CPNE4: variants seen among roughly 807,000 people sequenced by gnomAD.
CPNE4 encodes copine 4, also known as copine-4.
In CPNE4, 25 loss-of-function variants were observed where a neutral mutation model predicts 67.9. That is an observed-to-expected ratio of 0.37 (90% CI 0.27 to 0.51). The LOEUF is 0.51. CPNE4 is among the 20% of genes least tolerant of loss of function. The pLI, the probability that CPNE4 is intolerant of heterozygous loss-of-function variation, is 0.93. For synonymous variants in CPNE4, 242 were observed against 244.9 expected, an observed-to-expected ratio of 0.99 and a Z score of 0.11; for missense variants, 464 against 690.8, an observed-to-expected ratio of 0.67 and a Z score of 3.68.
chr3:131,598,182 A>C (rs918024494), intron 7 of CPNE4, among the ~76,000 whole-genome samples: 2 of 152,182 alleles, frequency 1.3e-5, no homozygotes, highest in African/African-American at 2.4e-5. Flanking sequence ...CCTGAGTTCT[A>C]TTTCAAGCTC....
upstream of CPNE4, among the ~76,000 whole-genome samples, chr3:132,035,734 GC>G (rs1259372062): frequency 5.9e-5 from 9 of 152,126 alleles, no homozygotes; most frequent in African/African-American, 2.2e-4. Context: ...GATTATGTCT[GC>G]TACCATAGAC....
At chr3:131,788,679 T>C (rs2083629311) in intron 2 of CPNE4, among the ~76,000 whole-genome samples, 2 of 152,044 alleles carry the variant, frequency 1.3e-5, no homozygotes, top group Admixed American at 1.3e-4. Context: ...GTGATAAATA[T>C]CCAATAATAA....
At chr3:131,678,387 A>T (rs867136629) in intron 6 of CPNE4, among the ~76,000 whole-genome samples, 9 of 152,248 alleles carry the variant, frequency 5.9e-5, no homozygotes, top group South Asian at 2.1e-4. Context: ...GCAAACAGGG[A>T]TAGTTAGACT....
At chr3:132,003,852 TAGGGGCCA>T (rs1321351937) in intron 1 of CPNE4, among the ~76,000 whole-genome samples, 1 of 152,110 alleles carries the variant, frequency 6.6e-6, no homozygotes, top group Non-Finnish European at 1.5e-5. Flanking sequence ...TGCTGACAGC[TAGGGGCCA>T]TGGAAGCTGA....
rs1240139782 is a variant in CPNE4, at chr3:131,853,026, CA to C, written c.180+52237del. ...TTTCCCCACGTTGATAGATTCAGAG[CA>C]ATCCCAATTAAAATACCAGCAGAAT... On this transcript the variant is annotated intron_variant, in intron 2 of 15. Coordinates refer to ENST00000429747, the MANE Select transcript of CPNE4 (RefSeq NM_130808.3). Among the ~76,000 whole-genome samples the C allele has an allele frequency of 4.6e-5, 7 of 151,766 alleles. No homozygotes were observed. In the East Asian group the frequency reaches 1.4e-3, roughly 29 times the overall value.
At chr3:131,711,133 G>A (rs1287499577) in intron 3 of CPNE4, among the ~76,000 whole-genome samples, 7 of 152,196 alleles carry the variant, frequency 4.6e-5, no homozygotes, top group Non-Finnish European at 7.3e-5. Flanking sequence ...AGCCATGATA[G>A]TAAGTGTAAA....
At chr3:132,034,341 C>T (rs575710993) in intron 1 of CPNE4, among the ~76,000 whole-genome samples, 1 of 152,152 alleles carries the variant, frequency 6.6e-6, no homozygotes, top group Non-Finnish European at 1.5e-5. Context: ...CCCACCTGGG[C>T]GAGTTGGGTG....
At chr3:131,824,086 A>G (rs1264889127) in intron 2 of CPNE4, among the ~76,000 whole-genome samples, 1 of 152,204 alleles carries the variant, frequency 6.6e-6, no homozygotes, top group Non-Finnish European at 1.5e-5. Flanking sequence ...AAGACAGAAA[A>G]TCTAAAAGCT....
intron 2 of CPNE4, among the ~76,000 whole-genome samples, chr3:131,774,967 C>G (rs1375988803): frequency 3.9e-5 from 6 of 152,048 alleles, no homozygotes; most frequent in African/African-American, 1.2e-4. Flanking sequence ...ATTATTTTGG[C>G]TGATAAGAGA....
intron 2 of CPNE4, among the ~76,000 whole-genome samples, chr3:131,806,158 G>A (rs2084300643): frequency 6.6e-6 from 1 of 152,218 alleles, no homozygotes; most frequent in South Asian, 2.1e-4. Context: ...GGAAGTTAAG[G>A]AGAACGTTTT....
chr3:131,880,174 TGC>T (rs202015810), intron 2 of CPNE4, among the ~76,000 whole-genome samples: 1 of 149,934 alleles, frequency 6.7e-6, no homozygotes, highest in Non-Finnish European at 1.5e-5. Flanking sequence ...TTGCCCAGGC[TGC>T]AGTGCAGTGG....
chr3:131,996,597 G>A (rs916713529), intron 1 of CPNE4, among the ~76,000 whole-genome samples: 1 of 151,860 alleles, frequency 6.6e-6, no homozygotes, highest in Non-Finnish European at 1.5e-5. Flanking sequence ...ATGCAGTCCA[G>A]CACTCATCTG....
intron 1 of CPNE4, among the ~76,000 whole-genome samples, chr3:131,958,609 C>CTTTTTTTTTTTTTTTTTTTTTTTTTT (rs748126986): frequency 2.1e-5 from 2 of 96,028 alleles, no homozygotes; most frequent in African/African-American, 1.0e-4. Context: ...TCTTTCTTTT[C>CTTTTTTTTTTTTTTTTTTTTTTTTTT]TTTTTTTTTT....
chr3:131,784,665 G>A (rs1375087220), intron 2 of CPNE4, among the ~76,000 whole-genome samples: 1 of 152,092 alleles, frequency 6.6e-6, no homozygotes, highest in Non-Finnish European at 1.5e-5. Flanking sequence ...GGCTTCAGAT[G>A]CCCATAGTAG....
At chr3:131,932,823 G>T (rs937502470) in intron 1 of CPNE4, among the ~76,000 whole-genome samples, 5 of 152,070 alleles carry the variant, frequency 3.3e-5, no homozygotes, top group Non-Finnish European at 7.4e-5. Flanking sequence ...TTCGAAACCA[G>T]CCTGGCCAAC....
intron 4 of CPNE4, among the ~76,000 whole-genome samples, chr3:131,697,586 A>G (rs2081184510): frequency 6.6e-6 from 1 of 152,228 alleles, no homozygotes; most frequent in Admixed American, 6.5e-5. Context: ...TAAGATGGCT[A>G]CCTTAAGACA....
chr3:131,691,153 T>C (rs2081025219), intron 5 of CPNE4, among the ~76,000 whole-genome samples: 1 of 152,186 alleles, frequency 6.6e-6, no homozygotes, highest in South Asian at 2.1e-4. Context: ...TGGAGATTTC[T>C]TAAAGAGCTT....
At chr3:131,669,626 T>A in intron 7 of CPNE4, 49 bp downstream of exon 7, 3 of 1,445,474 alleles carry the variant, frequency 2.1e-6, no homozygotes, top group Non-Finnish European at 2.9e-6. Flanking sequence ...AATAGGAAGA[T>A]TAAATACTTT....
intron 2 of CPNE4, among the ~76,000 whole-genome samples, chr3:131,866,238 G>A: frequency 1.6e-4 from 1 of 6,104 alleles, no homozygotes; most frequent in South Asian, 0.019. Context: ...GAGTGAGAGA[G>A]TCTCCACAAC....
Sources: gnomAD v4.1 joint callset for allele counts (sites outside exome capture counted in the v4.1 genomes callset) on GRCh38, gnomAD v4.1.1 for gene constraint, MANE v1.5 for transcripts, NCBI Gene and HGNC (gene_info 2026-07-23, HGNC 2026-07-21) for gene names.